The following HNRNPLL variants were observed in gnomAD, a reference collection of about 807,000 sequenced individuals.
The protein encoded by HNRNPLL is heterogeneous nuclear ribonucleoprotein L-like.
A neutral mutation model predicts 67.1 loss-of-function variants in HNRNPLL; 25 were observed. The observed-to-expected ratio is 0.37, with a 90% CI of 0.27 to 0.52. HNRNPLL has a LOEUF of 0.52. Ranked by LOEUF, HNRNPLL falls within the 20% of genes least tolerant of loss-of-function variation. The probability of loss-of-function intolerance (pLI) is 0.90; values close to 1 mark genes in which losing one functional copy is unlikely to be tolerated. For missense variants in HNRNPLL, 542 were observed against 673.9 expected, an observed-to-expected ratio of 0.80 and a Z score of 2.17; for synonymous variants, 267 against 241.7, an observed-to-expected ratio of 1.10 and a Z score of -0.97.
At position 38,602,897 on chromosome 2, in the gene HNRNPLL, C is replaced by A. The variant is rs748642253; in HGVS notation, c.-271G>T. 17 of 1,544,306 alleles carry A rather than the reference C, an allele frequency of 1.1e-5. No homozygotes were observed. In the African/African-American group the frequency reaches 2.3e-4, roughly 21 times the overall value. ...CCTCTCCCTCCTCCTCCTCCGTCTC[C>A]GCTCCCTGCCCGGAGGAGCGAATCT... On this transcript the variant is annotated 5_prime_UTR_variant, in exon 1 of 13. Coordinates refer to ENST00000449105, the MANE Select transcript of HNRNPLL (RefSeq NM_138394.4).
At position 38,583,873 on chromosome 2, in the gene HNRNPLL, T is replaced by A. The variant is rs980138719; in HGVS notation, c.600A>T (p.Ile200=). 6.4e-7 allele frequency: 1 copy of A among 1,568,460 alleles called. No homozygotes were observed. The highest frequency in any genetic ancestry group is 1.4e-5 in the African/African-American group (1 of 73,700). The change falls in exon 4 of 13, where the codon ATA becomes ATT. Residue 200 remains isoleucine (I), a synonymous_variant. Transcript: ENST00000449105. ...TTGCTTGTATCCCATTTCTCTTGAA[T>A]ATAACAATACGTTGCACTTTGCCAA... ...NPVGKVQRIV[I]FKRNGIQAMV...
At chr2:38,565,347 C>T (rs970018210) in intron 12 of HNRNPLL, among the ~76,000 whole-genome samples, 9 of 152,118 alleles carry the variant, frequency 5.9e-5, no homozygotes, top group African/African-American at 1.7e-4. Context: ...CTTTTTAAAA[C>T]TTTCTCTCAA....
intron 6 of HNRNPLL, among the ~76,000 whole-genome samples, chr2:38,579,334 C>T (rs1311405947): frequency 6.6e-6 from 1 of 151,968 alleles, no homozygotes; most frequent in Admixed American, 6.6e-5. Context: ...GGGTGCAGCA[C>T]ACCAGCATGG....
At chr2:38,595,036 G>C (rs1667116757) in intron 1 of HNRNPLL, among the ~76,000 whole-genome samples, 1 of 151,866 alleles carries the variant, frequency 6.6e-6, no homozygotes, top group African/African-American at 2.4e-5. Context: ...TAGCACTCTG[G>C]GAGGCAGAGG....
intron 7 of HNRNPLL, among the ~76,000 whole-genome samples, chr2:38,576,780 T>C (rs1191780327): frequency 6.6e-6 from 1 of 151,922 alleles, no homozygotes; most frequent in African/African-American, 2.4e-5. Context: ...AAGCACAGAA[T>C]AGGTAGAGTC....
At chr2:38,595,631 G>A (rs1667151968) in intron 1 of HNRNPLL, among the ~76,000 whole-genome samples, 3 of 152,154 alleles carry the variant, frequency 2.0e-5, no homozygotes, top group Non-Finnish European at 2.9e-5. Context: ...AATACCTGAG[G>A]TCAGGAGTTT....
At chr2:38,592,788 G>A (rs1369739447) in intron 1 of HNRNPLL, among the ~76,000 whole-genome samples, 9 of 152,278 alleles carry the variant, frequency 5.9e-5, no homozygotes, top group South Asian at 2.1e-4. Flanking sequence ...GACTTCCACC[G>A]TGTACATCCC....
At chr2:38,566,058 G>A (rs1665847825) in intron 12 of HNRNPLL, 1 of 987,660 alleles carries the variant, frequency 1.0e-6, no homozygotes, top group African/African-American at 1.7e-5. Flanking sequence ...CAGGATCAAA[G>A]TAAATTACAC....
intron 2 of HNRNPLL, among the ~76,000 whole-genome samples, chr2:38,589,770 G>C (rs1041381922): frequency 2.0e-5 from 3 of 152,048 alleles, no homozygotes; most frequent in African/African-American, 7.3e-5. Flanking sequence ...CATCAAAATA[G>C]TCACTGCTTC....
In HNRNPLL at chr2:38,569,241, A is replaced by G. The variant is rs758172603; in HGVS notation, c.1308T>C (p.Asn436=). The G allele has an allele frequency of 6.2e-7, 1 of 1,613,256 alleles. No homozygotes were observed. Among genetic ancestry groups the G allele is most frequent in the Non-Finnish European group, 8.5e-7 (1 of 1,179,282 alleles). Residue 436 remains asparagine (N), a synonymous_variant, in exon 10 of 13, where the codon AAT becomes AAC. Transcript: ENST00000449105. ...SYKDFAMSKN[N]RFTSAGQASK... ...ATGCTTGGCCAGCACTTGTAAAGCG[A>G]TTATTTTTGCTCATTGCAAAATCTT...
rs149730946 is a variant in HNRNPLL, at chr2:38,566,582, C to T, written c.1573+1617G>A. Reference sequence around the variant, plus strand: ...TATTTTCATATATCACGGTTGGTAACGTAAACTGGTGCAACCTTTATAAAG... The same window carrying T: ...TATTTTCATATATCACGGTTGGTAATGTAAACTGGTGCAACCTTTATAAAG... On this transcript the variant is annotated intron_variant, in intron 12 of 12. Transcript: ENST00000449105. Among the ~76,000 whole-genome samples the T allele has an allele frequency of 1.1e-3, 168 of 151,914 alleles. 3 individuals carry two copies. In the East Asian group the frequency reaches 0.013, roughly 12 times the overall value.
intron 1 of HNRNPLL, among the ~76,000 whole-genome samples, chr2:38,600,584 T>C (rs1358693676): frequency 6.6e-6 from 1 of 151,234 alleles, no homozygotes; most frequent in Non-Finnish European, 1.5e-5. Flanking sequence ...AAAAAAAAAA[T>C]TGGCCCGGCG....
In HNRNPLL at chr2:38,563,952, T is replaced by C; in HGVS notation, c.*230A>G. ...TTAGAAATCATATATCTGTATAATC[T>C]ACAATGAAGCTGTAGATAGTCTACA... On this transcript the variant is annotated 3_prime_UTR_variant, in exon 13 of 13. Coordinates refer to ENST00000449105, the MANE Select transcript of HNRNPLL (RefSeq NM_138394.4). The C allele has an allele frequency of 9.2e-6, 4 of 435,474 alleles. No individual in the cohort carries two copies. Among genetic ancestry groups the C allele is most frequent in the East Asian group, 4.0e-5 (1 of 25,088 alleles). 27.0% of individuals were successfully genotyped at this position (435,474 alleles called of 1,614,324 possible). A position where few individuals can be genotyped will look rare whatever the true frequency, so the allele number is the denominator to read the frequency against.
chr2:38,577,351 C>T (rs745739071), intron 7 of HNRNPLL, 110 bp downstream of exon 7: 48 of 727,420 alleles, frequency 6.6e-5, no homozygotes, highest in Non-Finnish European at 9.4e-5. Context: ...CCCATATAAA[C>T]CGAGGCAGAT....
At chr2:38,586,025 C>CTT (rs202149774) in intron 2 of HNRNPLL, 144 bp from the exon 3 acceptor site, 2,513 of 527,782 alleles carry the variant, frequency 4.8e-3, no homozygotes, top group East Asian at 8.2e-3. Context: ...CGTAAGTCAA[C>CTT]TTTTTTTTTT....
At position 38,602,633 on chromosome 2, in the gene HNRNPLL, G is replaced by T; in HGVS notation, c.-7C>A. On this transcript the variant is annotated 5_prime_UTR_variant, in exon 1 of 13. Coordinates refer to ENST00000449105, the MANE Select transcript of HNRNPLL (RefSeq NM_138394.4). ...AGGAAGAGGAGGAGGACATGGCGGC[G>T]GCCGGAGGGACCGGCTGGCAGGCGG... is the stretch of plus-strand genomic sequence containing the variant. The T allele has an allele frequency of 6.6e-7, 1 of 1,507,698 alleles. No individual in the cohort carries two copies. The highest frequency in any genetic ancestry group is 8.8e-7 in the Non-Finnish European group (1 of 1,132,590). The allele number at this position is 1,507,698 out of a possible 1,614,324, so 93.4% of individuals were successfully genotyped here. A position where few individuals can be genotyped will look rare whatever the true frequency, so the allele number is the denominator to read the frequency against.
intron 3 of HNRNPLL, 113 bp downstream of exon 3, chr2:38,585,531 T>A (rs1666690141): frequency 1.5e-6 from 1 of 649,318 alleles, no homozygotes; most frequent in Non-Finnish European, 2.7e-6. Context: ...TTTTCAAAAT[T>A]AAAAAAACTA....
At chr2:38,590,586 G>T (rs1475298996) in intron 2 of HNRNPLL, among the ~76,000 whole-genome samples, 1 of 152,150 alleles carries the variant, frequency 6.6e-6, no homozygotes, top group African/African-American at 2.4e-5. Context: ...ATTTTTGGCA[G>T]CAGATTCACT....
intron 3 of HNRNPLL, among the ~76,000 whole-genome samples, chr2:38,585,250 T>C (rs540158773): frequency 3.3e-5 from 5 of 152,322 alleles, no homozygotes; most frequent in South Asian, 4.1e-4. Context: ...TATTGCAAAA[T>C]AGTTCATAAT....
Sources: allele counts gnomAD v4.1 joint callset (sites outside exome capture counted in the v4.1 genomes callset), GRCh38; gene constraint gnomAD v4.1.1; transcripts MANE v1.5; gene names NCBI Gene and HGNC (gene_info 2026-07-23, HGNC 2026-07-21).